NIPSNAP3B: variants seen among roughly 807,000 people sequenced by gnomAD.
NIPSNAP3B encodes nipsnap homolog 3B, also known as protein NipSnap homolog 3B.
A neutral mutation model predicts 31.5 loss-of-function variants in NIPSNAP3B; 30 were observed. The observed-to-expected ratio is 0.95, with a 90% confidence interval of 0.71 to 1.29. The LOEUF is 1.29. Ranked by LOEUF, NIPSNAP3B falls within the 50% of genes most tolerant of loss-of-function variation. The pLI, the probability that NIPSNAP3B is intolerant of heterozygous loss-of-function variation, is 0.00. For missense variants in NIPSNAP3B, 269 were observed against 300.7 expected, an observed-to-expected ratio of 0.89 and a Z score of 0.78; for synonymous variants, 106 against 107.9, an observed-to-expected ratio of 0.98 and a Z score of 0.11.
the NIPSNAP3B span, among the ~76,000 whole-genome samples, chr9:104,789,781 G>A: frequency 6.7e-6 from 1 of 148,908 alleles, no homozygotes; most frequent in African/African-American, 2.6e-5. Context: ...CCACTGCCTT[G>A]TACTATCTCT....
chr9:104,784,433 T>A, the NIPSNAP3B span: 2 of 1,614,106 alleles, frequency 1.2e-6, no homozygotes, highest in Non-Finnish European at 1.7e-6. Flanking sequence ...ATCACTTTGG[T>A]CCTTGGCAAA....
rs945772815 is a variant in NIPSNAP3B at position 104,773,815 on chromosome 9, C to T, written c.*742C>T. 2.6e-5 allele frequency: 4 copies of T among 152,108 alleles called. No individual in the cohort carries two copies. Among genetic ancestry groups the T allele is most frequent in the Non-Finnish European group, 4.4e-5 (3 of 68,002 alleles). The allele number at this position is 152,108 out of a possible 1,614,324, so 9.4% of individuals were successfully genotyped here. ...AGAAATATTTATGGTTATGGAAACG[C>T]TTGCCCTAATAAAAATCCTGCATAT... is the stretch of plus-strand genomic sequence containing the variant. On this transcript the variant is annotated 3_prime_UTR_variant, in exon 6 of 6. Coordinates refer to ENST00000374762, the MANE Select transcript of NIPSNAP3B (RefSeq NM_018376.4).
downstream of NIPSNAP3B, among the ~76,000 whole-genome samples, chr9:104,778,249 A>AGAT (rs942485074): frequency 6.6e-6 from 1 of 150,928 alleles, no homozygotes; most frequent in African/African-American, 2.4e-5. Context: ...TTTTTTTTTT[A>AGAT]GATGGAGTTT....
downstream of NIPSNAP3B, among the ~76,000 whole-genome samples, chr9:104,778,419 T>TG (rs1828382051): frequency 6.6e-6 from 1 of 152,122 alleles, no homozygotes; most frequent in Admixed American, 6.5e-5. Flanking sequence ...TTATTAGAGA[T>TG]GGGGTTTCAC....
At position 104,770,934 on chromosome 9, in the gene NIPSNAP3B, T is replaced by G; in HGVS notation, c.516T>G (p.His172Gln). The change falls in exon 4 of 6, where the codon CAT (histidine) becomes CAG (glutamine). Residue 172 changes from histidine (H) to glutamine (Q), a missense_variant. By Grantham distance (24) the His-to-Gln change is conservative. Coordinates refer to ENST00000374762, the MANE Select transcript of NIPSNAP3B (RefSeq NM_018376.4). ...CATTTGAAAGAGCAATTAATGCCCA[T>G]GTCAATTTAGGCTACACAAAAGTAG... ...GDAFERAINA[H>Q]VNLGYTKVVG... 6.2e-7 allele frequency: 1 copy of G among 1,613,964 alleles called. No homozygotes were observed. The highest frequency in any genetic ancestry group is 8.5e-7 in the Non-Finnish European group (1 of 1,179,842).
At chr9:104,779,321 T>C (rs1362331975), downstream of NIPSNAP3B, among the ~76,000 whole-genome samples, 1 of 152,218 alleles carries the variant, frequency 6.6e-6, no homozygotes, top group Non-Finnish European at 1.5e-5. Flanking sequence ...TTCTTCTACA[T>C]TGTACCCCCT....
intron 3 of NIPSNAP3B, among the ~76,000 whole-genome samples, chr9:104,770,358 T>G (rs1828188229): frequency 6.6e-6 from 1 of 152,096 alleles, no homozygotes; most frequent in Non-Finnish European, 1.5e-5. Context: ...CAGACATGAC[T>G]TTGGGTCAAC....
chr9:104,781,363 G>A (rs1828535668), downstream of NIPSNAP3B: 1 of 152,494 alleles, frequency 6.6e-6, no homozygotes, highest in South Asian at 2.1e-4. Flanking sequence ...CAACAATTTT[G>A]AAAAGAATTA....
At position 104,775,614 on chromosome 9, in the gene NIPSNAP3B, C is replaced by CT. The variant is rs1339929436; in HGVS notation, c.*2547dup. ...TCCAGTCCACACCTCTTTTCTGAAT[C>CT]TTTTTTCAAATTCACACATGTGAAT... On this transcript the variant is annotated 3_prime_UTR_variant, in exon 6 of 6. Transcript: ENST00000374762. Among the ~76,000 whole-genome samples, 2 of 152,224 alleles carry CT rather than the reference C, an allele frequency of 1.3e-5. No homozygotes were observed. Among genetic ancestry groups the CT allele is most frequent in the Admixed American group, 1.3e-4 (2 of 15,288 alleles).
chr9:104,786,471 C>T, the NIPSNAP3B span: 116 of 1,229,276 alleles, frequency 9.4e-5, 2 homozygotes, highest in Non-Finnish European at 1.2e-4. Context: ...TCCAGCATTC[C>T]AGCTTCCTAG....
chr9:104,766,181 C>CA (rs1828085883), intron 1 of NIPSNAP3B, 144 bp from the exon 2 acceptor site: 1 of 624,284 alleles, frequency 1.6e-6, no homozygotes, highest in African/African-American at 1.9e-5. Context: ...TCTATGTAAA[C>CA]AAGTGTATAT....
chr9:104,786,947 T>C, the NIPSNAP3B span: 1 of 1,614,102 alleles, frequency 6.2e-7, no homozygotes, highest in Non-Finnish European at 8.5e-7. Flanking sequence ...ACCGCCGGGC[T>C]TTGGGATCCA....
chr9:104,784,568 A>G, the NIPSNAP3B span: 146 of 1,241,416 alleles, frequency 1.2e-4, 3 homozygotes, highest in South Asian at 1.0e-3. Context: ...ATACAGAATT[A>G]CATAAATGGA....
chr9:104,770,023 AT>A, intron 3 of NIPSNAP3B, among the ~76,000 whole-genome samples: 1 of 152,254 alleles, frequency 6.6e-6, no homozygotes, highest in East Asian at 1.9e-4. Flanking sequence ...TTTGTATTTT[AT>A]TTTAGATTAT....
the NIPSNAP3B span, chr9:104,784,035 T>G: frequency 2.6e-6 from 1 of 381,966 alleles, no homozygotes; most frequent in Non-Finnish European, 4.8e-6. Flanking sequence ...CATATGTCCA[T>G]TGGGTTCCAT....
At chr9:104,787,892 A>T in the NIPSNAP3B span, 20 of 1,613,738 alleles carry the variant, frequency 1.2e-5, no homozygotes, top group Non-Finnish European at 1.4e-5. Context: ...GGCCAGAACA[A>T]CAGTTTTCCA....
chr9:104,786,127 T>A, the NIPSNAP3B span, among the ~76,000 whole-genome samples: 1 of 152,226 alleles, frequency 6.6e-6, no homozygotes. Context: ...CAGTAAATGG[T>A]AAAGACAGAA....
rs1828199474 is a variant in NIPSNAP3B at position 104,770,869 on chromosome 9, T to A, written c.451T>A (p.Phe151Ile). The A allele has an allele frequency of 1.2e-5, 20 of 1,613,830 alleles. No homozygotes were observed. In the East Asian group the frequency reaches 4.5e-4, roughly 36 times the overall value. ...TCTAGGAGTCTATGAACTAGCTGTT[T>A]TTCAGATGAAACCTGGTGGGCCAGC... Reference protein sequence around the residue: ...PKEGVYELAVFQMKPGGPALW... With the variant: ...PKEGVYELAVIQMKPGGPALW... Residue 151 changes from phenylalanine (F) to isoleucine (I), a missense_variant, in exon 4 of 6, where the codon TTT becomes ATT. Coordinates refer to ENST00000374762, the MANE Select transcript of NIPSNAP3B (RefSeq NM_018376.4).
At chr9:104,777,829 C>CCCGTTCCTTGCCTCTCAGTCTT (rs1051244996), downstream of NIPSNAP3B, among the ~76,000 whole-genome samples, 2 of 152,308 alleles carry the variant, frequency 1.3e-5, no homozygotes, top group African/African-American at 4.8e-5. Context: ...TTTGCAGTCT[C>CCCGTTCCTTGCCTCTCAGTCTT]CCCTTCCTTG....
Sources: allele counts gnomAD v4.1 joint callset (sites outside exome capture counted in the v4.1 genomes callset), GRCh38; gene constraint gnomAD v4.1.1; transcripts MANE v1.5; gene names NCBI Gene and HGNC (gene_info 2026-07-23, HGNC 2026-07-21).